The following MYO18A variants were observed in gnomAD, a reference collection of about 807,000 sequenced individuals.
MYO18A encodes the protein myosin XVIIIA, also known as unconventional myosin-XVIIIa.
MYO18A carries 78 observed loss-of-function variants against 235.8 expected under a neutral mutation model. The observed-to-expected ratio is 0.33, with a 90% CI of 0.28 to 0.40. The LOEUF is 0.40. Among genes scored for constraint, MYO18A ranks in the 10% least tolerant of loss-of-function variants. The probability of loss-of-function intolerance (pLI) is 1.00; values close to 1 mark genes in which losing one functional copy is unlikely to be tolerated. For synonymous variants in MYO18A, 977 were observed against 1,077.8 expected (o/e 0.91, Z 1.83); for missense variants, 2,215 against 2,699.3 (o/e 0.82, Z 3.98).
At chr17:29,139,887 G>C (rs2067695912) in intron 2 of MYO18A, among the ~76,000 whole-genome samples, 1 of 152,140 alleles carries the variant, frequency 6.6e-6, no homozygotes, top group Non-Finnish European at 1.5e-5. Flanking sequence ...GAGGAAGAGA[G>C]GAAAGAGCTA....
In MYO18A at chr17:29,093,080, C is replaced by T. The variant is rs983196512; in HGVS notation, c.4927-79G>A. The T allele has an allele frequency of 1.9e-5, 28 of 1,512,976 alleles. No individual in the cohort carries two copies. In the South Asian group the frequency reaches 2.0e-4, roughly 11 times the overall value. The allele number at this position is 1,512,976 out of a possible 1,614,324, so 93.7% of individuals were successfully genotyped here. A position where few individuals can be genotyped will look rare whatever the true frequency, so the allele number is the denominator to read the frequency against. Reference sequence around the variant, plus strand: ...TCTTCCCCAAGCTCCCTCCTCACCACGTCCTCATTATCAGTGTCCCCATAA... The same window carrying T: ...TCTTCCCCAAGCTCCCTCCTCACCATGTCCTCATTATCAGTGTCCCCATAA... On this transcript the variant is annotated intron_variant, in intron 32 of 41. Transcript: ENST00000527372.
chr17:29,077,243 G>A (rs900689742), intron 41 of MYO18A: 2 of 152,240 alleles, frequency 1.3e-5, no homozygotes, highest in Admixed American at 1.3e-4. Context: ...GTCAACAGCA[G>A]GCCGCTGCCC....
At chr17:29,090,412 G>T in intron 36 of MYO18A, 120 bp downstream of exon 36, 2 of 880,170 alleles carry the variant, frequency 2.3e-6, no homozygotes, top group Non-Finnish European at 3.5e-6. Flanking sequence ...CCTCATTTAC[G>T]CTGCTCTGTG....
At chr17:29,089,931 T>G (rs1444321331) in intron 37 of MYO18A, 30 bp downstream of exon 37, 1 of 1,613,706 alleles carries the variant, frequency 6.2e-7, no homozygotes, top group Admixed American at 1.7e-5. Context: ...CTGCCCTGTT[T>G]GGTGTGGCCC....
rs1184320281 is a variant in MYO18A, at chr17:29,098,125, T to C, written c.3970A>G (p.Lys1324Glu). Residue 1324 changes from lysine to glutamate, a missense_variant, in exon 25 of 42, where the codon AAG becomes GAG. Coordinates refer to ENST00000527372, the MANE Select transcript of MYO18A (RefSeq NM_078471.4). ...CTCACCTGCAGTTCCTTCATCTCCT[T>C]CTCAGCCCGGAGCCTCTCTGCTGTC... ...AETAERLRAE[K>E]EMKELQTQYD... The C allele has an allele frequency of 6.2e-7, 1 of 1,613,606 alleles. No individual in the cohort carries two copies. Among genetic ancestry groups the C allele is most frequent in the East Asian group, 2.2e-5 (1 of 44,880 alleles).
At position 29,121,028 on chromosome 17, in the gene MYO18A, C is replaced by T. The variant is rs760275948; in HGVS notation, c.1555G>A (p.Ala519Thr). The T allele has an allele frequency of 9.9e-6, 16 of 1,612,466 alleles. No homozygotes were observed. The highest frequency in any genetic ancestry group is 4.4e-5 in the South Asian group (4 of 90,656). ...AACACCTTGTTCCCGCTGATGCCCG[C>T]GATGGTGGCCAGGTACTGCACCAGA... ...QHLVQYLATIAGISGNKVFSV... is the reference protein window; with the variant it reads ...QHLVQYLATITGISGNKVFSV... Residue 519 changes from alanine (A) to threonine (T), a missense_variant, in exon 6 of 42, where the codon GCG becomes ACG. Ala to Thr is a moderately conservative substitution (Grantham distance 58). Transcript: ENST00000527372. The surrounding 1 kb of genome is among the most constrained non-coding windows in gnomAD (Gnocchi z 4.2).
intron 31 of MYO18A, 109 bp downstream of exon 31, chr17:29,093,871 G>A: frequency 1.3e-6 from 1 of 763,824 alleles, no homozygotes; most frequent in South Asian, 1.7e-5. Context: ...GGCCCAGAAT[G>A]ACAATGGAAG....
intron 2 of MYO18A, among the ~76,000 whole-genome samples, chr17:29,134,815 G>T (rs529306752): frequency 6.6e-6 from 1 of 152,156 alleles, no homozygotes; most frequent in Non-Finnish European, 1.5e-5. Flanking sequence ...GAGCCACCAC[G>T]CCCAGCCAAC....
intron 12 of MYO18A, 34 bp from the exon 13 acceptor site, chr17:29,115,475 TC>T: frequency 6.3e-7 from 1 of 1,597,756 alleles, no homozygotes. Flanking sequence ...TATCTCCTTC[TC>T]CCCAGGGCTC....
chr17:29,096,753 C>T lies in MYO18A; in HGVS notation c.4385+8G>A. ...GTTCTCTGGGCCCAGGGCAGGGGGC[C>T]CACCCACCTCCTCTGCTTCTTCTCC... On this transcript the variant is annotated splice_region_variant and intron_variant, in intron 28 of 41. Transcript: ENST00000527372. The T allele has an allele frequency of 6.3e-7, 1 of 1,589,448 alleles. No homozygotes were observed. Among genetic ancestry groups the T allele is most frequent in the African/African-American group, 1.3e-5 (1 of 74,404 alleles).
At position 29,111,085 on chromosome 17, in the gene MYO18A, C is replaced by T. The variant is rs1485871190; in HGVS notation, c.2900+339G>A. Reference sequence around the variant, plus strand: ...ATTATCTGCCAAGCACCTAGAAGCCCCTGTCGCAGGGTAGGTGCCCACTAA... The same window carrying T: ...ATTATCTGCCAAGCACCTAGAAGCCTCTGTCGCAGGGTAGGTGCCCACTAA... On this transcript the variant is annotated intron_variant, in intron 17 of 41. Coordinates refer to ENST00000527372, the MANE Select transcript of MYO18A (RefSeq NM_078471.4). The surrounding 1 kb of genome is among the most constrained non-coding windows in gnomAD (Gnocchi z 5.1). 6.6e-6 allele frequency among the ~76,000 whole-genome samples: 1 copy of T among 152,180 alleles called. No homozygotes were observed. Among genetic ancestry groups the T allele is most frequent in the Non-Finnish European group, 1.5e-5 (1 of 68,034 alleles).
intron 2 of MYO18A, chr17:29,128,599 TC>T: frequency 8.6e-7 from 1 of 1,166,094 alleles, no homozygotes; most frequent in Admixed American, 3.6e-5. Context: ...GCCCTGCCCA[TC>T]CCATGCAGAG....
chr17:29,110,649 G>A, intron 17 of MYO18A, 27 bp from the exon 18 acceptor site: 1 of 1,588,484 alleles, frequency 6.3e-7, no homozygotes, highest in Non-Finnish European at 8.6e-7. Context: ...GATAAGGGAG[G>A]AAAAGCAGTC....
chr17:29,177,364 T>G (rs542766643), intron 1 of MYO18A, among the ~76,000 whole-genome samples: 3 of 152,088 alleles, frequency 2.0e-5, no homozygotes, highest in Non-Finnish European at 4.4e-5. Context: ...CAACCAAAAC[T>G]GCTGCCTGAC....
intron 2 of MYO18A, among the ~76,000 whole-genome samples, chr17:29,136,773 T>A (rs2067613357): frequency 6.6e-6 from 1 of 152,248 alleles, no homozygotes; most frequent in Non-Finnish European, 1.5e-5. Context: ...TAGGCAGGCA[T>A]CAGCTTTGGT....
chr17:29,154,099 A>AGTGTGTGTGTGTGTGT (rs200703096), intron 2 of MYO18A, among the ~76,000 whole-genome samples: 78 of 149,386 alleles, frequency 5.2e-4, no homozygotes, highest in African/African-American at 9.6e-4. Flanking sequence ...TAAATTCTGC[A>AGTGTGTGTGTGTGTGT]GAGTGTGTGT....
chr17:29,121,758 A>T lies in MYO18A; in HGVS notation c.1195-35T>A. 6.3e-7 allele frequency: 1 copy of T among 1,589,598 alleles called. No homozygotes were observed. Among genetic ancestry groups the T allele is most frequent in the Non-Finnish European group, 8.6e-7 (1 of 1,166,164 alleles). On this transcript the variant is annotated intron_variant, in intron 4 of 41. Transcript: ENST00000527372. The surrounding 1 kb of genome is among the most constrained non-coding windows in gnomAD (Gnocchi z 4.2). ...AGGACAGGCGGGTGGGTATTAGAGCAGCAGAGCCCATCTCCGCTGCCAGAG... is the reference window on the plus strand; with the variant it reads ...AGGACAGGCGGGTGGGTATTAGAGCTGCAGAGCCCATCTCCGCTGCCAGAG...
intron 2 of MYO18A, among the ~76,000 whole-genome samples, chr17:29,132,305 C>G (rs1255114424): frequency 6.6e-6 from 1 of 152,172 alleles, no homozygotes; most frequent in African/African-American, 2.4e-5. Context: ...GAAACTGGCT[C>G]ACAACAGATT....
At chr17:29,172,935 C>T (rs2068438044) in intron 1 of MYO18A, among the ~76,000 whole-genome samples, 1 of 152,062 alleles carries the variant, frequency 6.6e-6, no homozygotes, top group Admixed American at 6.6e-5. Flanking sequence ...CATTCACAGA[C>T]ATGTGAAATT....
Sources: gnomAD v4.1 joint callset for allele counts (sites outside exome capture counted in the v4.1 genomes callset) on GRCh38, gnomAD v4.1.1 for gene constraint, Gnocchi (gnomAD v3.1) non-coding constraint, MANE v1.5 for transcripts, NCBI Gene and HGNC (gene_info 2026-07-23, HGNC 2026-07-21) for gene names.